The following LYZL4 variants were observed in gnomAD, a reference collection of about 807,000 sequenced individuals.
LYZL4 encodes the protein lysozyme like 4.
LYZL4 carries 13 observed loss-of-function variants against 17.6 expected under a neutral mutation model. That is an observed-to-expected ratio of 0.74 (90% CI 0.48 to 1.18). The LOEUF is 1.18. Ranked by LOEUF, LYZL4 falls within the 50% of genes most tolerant of loss-of-function variation. LYZL4 has a pLI of 0.00. For missense variants in LYZL4, 174 were observed against 188.2 expected (o/e 0.92, Z 0.44); for synonymous variants, 64 against 67.7 (o/e 0.95, Z 0.27).
At chr3:42,381,840 C>T in the LYZL4 span, among the ~76,000 whole-genome samples, 12 of 152,218 alleles carry the variant, frequency 7.9e-5, no homozygotes, top group Non-Finnish European at 1.8e-4. Flanking sequence ...GGAGAGACCT[C>T]CCTCCTAAAG....
Position 42,407,241 on chromosome 3 carries a change from G to A in LYZL4, c.11C>T (p.Ser4Phe), listed in dbSNP as rs1698775238. 1 of 1,614,138 alleles carries A rather than the reference G, an allele frequency of 6.2e-7. No homozygotes were observed. Among genetic ancestry groups the A allele is most frequent in the Non-Finnish European group, 8.5e-7 (1 of 1,180,028 alleles). ...GTAGCCAAGGAGGGAGAGAACCACG[G>A]ATGCCTTCATCTTCTCCAGGCTCCT... The part of the protein sequence containing the change: MKA[S>F]VVLSLLGYLV... Residue 4 changes from serine (S) to phenylalanine (F), a missense_variant, in exon 2 of 5, where the codon TCC becomes TTC. Physicochemically the swap from Ser to Phe is radical, Grantham distance 155 (BLOSUM62 -2). Transcript: ENST00000287748.
At chr3:42,394,418 A>G (rs1198778845), downstream of LYZL4, among the ~76,000 whole-genome samples, 1 of 152,222 alleles carries the variant, frequency 6.6e-6, no homozygotes, top group African/African-American at 2.4e-5. Context: ...ACCAAACTGG[A>G]GTAAAGCCAC....
At chr3:42,388,850 A>C in the LYZL4 span, among the ~76,000 whole-genome samples, 1 of 152,132 alleles carries the variant, frequency 6.6e-6, no homozygotes, top group Non-Finnish European at 1.5e-5. Flanking sequence ...TTTTGTGATG[A>C]CAGCTGCCCT....
chr3:42,406,219 C>T (rs1698745258), intron 3 of LYZL4, among the ~76,000 whole-genome samples: 3 of 151,992 alleles, frequency 2.0e-5, no homozygotes, highest in African/African-American at 7.3e-5. Flanking sequence ...TTTGGGAGGC[C>T]GAGACGGGCA....
chr3:42,379,713 A>G, the LYZL4 span, among the ~76,000 whole-genome samples: 2 of 152,082 alleles, frequency 1.3e-5, no homozygotes, highest in African/African-American at 2.4e-5. Context: ...CAAAATCCCA[A>G]ACTCCTCAAA....
At chr3:42,381,091 T>C in the LYZL4 span, among the ~76,000 whole-genome samples, 3 of 152,232 alleles carry the variant, frequency 2.0e-5, no homozygotes, top group Admixed American at 1.3e-4. Context: ...CAAGTCCTAG[T>C]GAGCCCAAAT....
chr3:42,390,701 C>G, the LYZL4 span, among the ~76,000 whole-genome samples: 1 of 152,188 alleles, frequency 6.6e-6, no homozygotes, highest in African/African-American at 2.4e-5. Context: ...CCATCCATGG[C>G]TTTACCCATT....
the LYZL4 span, among the ~76,000 whole-genome samples, chr3:42,383,348 A>G: frequency 6.6e-6 from 1 of 151,428 alleles, no homozygotes; most frequent in African/African-American, 2.4e-5. Flanking sequence ...AAGACCTGAC[A>G]TCAGTGATGC....
Position 42,405,981 on chromosome 3 carries a change from C to G in LYZL4, c.292+865G>C, listed in dbSNP as rs544821609. 3.3e-5 allele frequency among the ~76,000 whole-genome samples: 5 copies of G among 152,258 alleles called. No homozygotes were observed. In the South Asian group the frequency reaches 1.0e-3, roughly 32 times the overall value. ...AATGGCAACTATATAAGGCCTGGCA[C>G]TTAGTGGGTGCTCAATAAATGCTCA... On this transcript the variant is annotated intron_variant, in intron 3 of 4. Coordinates refer to ENST00000287748, the MANE Select transcript of LYZL4 (RefSeq NM_144634.4).
At chr3:42,360,931 A>G in the LYZL4 span, among the ~76,000 whole-genome samples, 88 of 152,192 alleles carry the variant, frequency 5.8e-4, 1 homozygote, top group East Asian at 0.014. Flanking sequence ...TATGTTTTCA[A>G]TTTTCAAGTT....
rs111358944 is a variant in LYZL4 at position 42,404,171 on chromosome 3, T to A, written c.293-47A>T. 6.2e-4 allele frequency: 792 copies of A among 1,279,014 alleles called. 1 individual carries two copies. The highest frequency in any genetic ancestry group is 8.5e-4 in the Non-Finnish European group (744 of 878,066). 79.2% of individuals were successfully genotyped at this position (1,279,014 alleles called of 1,614,324 possible). A position where few individuals can be genotyped will look rare whatever the true frequency, so the allele number is the denominator to read the frequency against. ...AGATACCATGCTGCCATATGACAGT[T>A]AAGTTAGAGTGATGTCAGGGAAGGT... On this transcript the variant is annotated intron_variant, in intron 3 of 4. Coordinates refer to ENST00000287748, the MANE Select transcript of LYZL4 (RefSeq NM_144634.4).
At chr3:42,367,413 T>C in the LYZL4 span, among the ~76,000 whole-genome samples, 1 of 151,874 alleles carries the variant, frequency 6.6e-6, no homozygotes, top group Non-Finnish European at 1.5e-5. Flanking sequence ...AAGCATGGGG[T>C]GGGAAGAATA....
chr3:42,377,251 T>G, the LYZL4 span, among the ~76,000 whole-genome samples: 5 of 152,298 alleles, frequency 3.3e-5, no homozygotes, highest in Non-Finnish European at 5.9e-5. Flanking sequence ...GCTAGTCAAC[T>G]TGACTATACA....
downstream of LYZL4, among the ~76,000 whole-genome samples, chr3:42,392,927 T>C (rs1346197553): frequency 6.6e-6 from 1 of 152,000 alleles, no homozygotes; most frequent in Non-Finnish European, 1.5e-5. Flanking sequence ...TCTTTCCAGG[T>C]GATGAACTCA....
rs116314309 is a variant in LYZL4, at chr3:42,405,818, G to A, written c.292+1028C>T. Reference sequence around the variant, plus strand: ...TCTTGGGCATATACTTACCCTCTCTGGGCCTCAGTTTCCCCATTCATAGAA... The same window carrying A: ...TCTTGGGCATATACTTACCCTCTCTAGGCCTCAGTTTCCCCATTCATAGAA... On this transcript the variant is annotated intron_variant, in intron 3 of 4. Coordinates refer to ENST00000287748, the MANE Select transcript of LYZL4 (RefSeq NM_144634.4). Among the ~76,000 whole-genome samples, 510 of 152,146 alleles carry A rather than the reference G, an allele frequency of 3.4e-3. 3 individuals carry two copies. Among genetic ancestry groups the A allele is most frequent in the African/African-American group, 0.012 (478 of 41,504 alleles).
chr3:42,406,896 C>G lies in LYZL4; in HGVS notation c.242G>C (p.Ser81Thr). The change falls in exon 3 of 5, where the codon AGT (serine) becomes ACT (threonine). Residue 81 changes from serine (S) to threonine (T), a missense_variant. Ser to Thr is a moderately conservative substitution (Grantham distance 58). Coordinates refer to ENST00000287748, the MANE Select transcript of LYZL4 (RefSeq NM_144634.4). ...CCTGCCATGGTCGCCACACCAGTCACTGCCACGCATCTGAAAGAGGCCAAA... is the reference window on the plus strand; with the variant it reads ...CCTGCCATGGTCGCCACACCAGTCAGTGCCACGCATCTGAAAGAGGCCAAA... Reference protein sequence around the residue: ...TGFGLFQMRGSDWCGDHGRNR... With the variant: ...TGFGLFQMRGTDWCGDHGRNR... 1 of 1,614,258 alleles carries G rather than the reference C, an allele frequency of 6.2e-7. No homozygotes were observed. The highest frequency in any genetic ancestry group is 8.5e-7 in the Non-Finnish European group (1 of 1,180,048).
chr3:42,376,959 G>T, the LYZL4 span, among the ~76,000 whole-genome samples: 1 of 152,178 alleles, frequency 6.6e-6, no homozygotes, highest in Non-Finnish European at 1.5e-5. Context: ...AAATCATTCA[G>T]CAAAAGCAAG....
downstream of LYZL4, among the ~76,000 whole-genome samples, chr3:42,392,353 A>AAGC (rs1243880092): frequency 6.6e-6 from 1 of 152,152 alleles, no homozygotes; most frequent in African/African-American, 2.4e-5. Context: ...GTGAACTAGG[A>AAGC]AGCAGCAGCA....
At chr3:42,386,583 G>A in the LYZL4 span, among the ~76,000 whole-genome samples, 6 of 152,128 alleles carry the variant, frequency 3.9e-5, no homozygotes, top group Non-Finnish European at 5.9e-5. Flanking sequence ...TATCTTTGCA[G>A]AGCCGATTAT....
Sources: gnomAD v4.1 joint callset for allele counts (sites outside exome capture counted in the v4.1 genomes callset) on GRCh38, gnomAD v4.1.1 for gene constraint, MANE v1.5 for transcripts, NCBI Gene and HGNC (gene_info 2026-07-23, HGNC 2026-07-21) for gene names.